Variants in RNF13 observed in about 807,000 individuals in gnomAD.
RNF13 encodes the protein E3 ubiquitin-protein ligase RNF13.
RNF13 carries 19 observed loss-of-function variants against 37.7 expected under a neutral mutation model. The observed-to-expected ratio is 0.50, with a 90% CI of 0.35 to 0.74. The LOEUF (loss-of-function observed/expected upper bound fraction) is 0.74. RNF13 is among the 30% of genes least tolerant of loss of function. RNF13 has a pLI of 0.01. For missense variants in RNF13, 375 were observed against 453.0 expected, an observed-to-expected ratio of 0.83 and a Z score of 1.56; for synonymous variants, 144 against 157.8, an observed-to-expected ratio of 0.91 and a Z score of 0.65.
chr3:149,843,947 G>C (rs1559901489), intron 1 of RNF13, among the ~76,000 whole-genome samples: 3 of 152,082 alleles, frequency 2.0e-5, no homozygotes, highest in African/African-American at 7.2e-5. Flanking sequence ...TAGTTGTTTT[G>C]GTTATTATTC....
chr3:149,812,728 G>A (rs971307853), upstream of RNF13: 6 of 152,596 alleles, frequency 3.9e-5, no homozygotes, highest in African/African-American at 1.4e-4. Flanking sequence ...GGTCGGGTGA[G>A]TGTAGTGTGC....
intron 5 of RNF13, among the ~76,000 whole-genome samples, chr3:149,895,763 A>G (rs1715189375): frequency 6.6e-6 from 1 of 152,070 alleles, no homozygotes; most frequent in Non-Finnish European, 1.5e-5. Flanking sequence ...TTTTTTAAAC[A>G]TATATGTTTT....
intron 3 of RNF13, among the ~76,000 whole-genome samples, chr3:149,861,274 C>T (rs185502628): frequency 1.3e-5 from 2 of 152,092 alleles, no homozygotes; most frequent in Admixed American, 1.3e-4. Flanking sequence ...CCAGCAGTCC[C>T]ACCACTGGGT....
intron 7 of RNF13, among the ~76,000 whole-genome samples, chr3:149,914,789 T>A (rs1458402863): frequency 6.6e-6 from 1 of 151,786 alleles, no homozygotes; most frequent in Non-Finnish European, 1.5e-5. Flanking sequence ...AATACAAAAT[T>A]TAGCTGGGTG....
At chr3:149,960,700 C>T (rs202087482) in intron 9 of RNF13, 40 bp from the exon 10 acceptor site, 1,018 of 1,543,590 alleles carry the variant, frequency 6.6e-4, no homozygotes, top group African/African-American at 2.7e-3. Context: ...AAGTATCAAC[C>T]GCAGCATACT....
chr3:149,924,108 G>A lies in RNF13; in HGVS notation c.700+2881G>A, dbSNP rs147814845. On this transcript the variant is annotated intron_variant, in intron 8 of 9. Transcript: ENST00000392894. ...GATGGAATACACAGAATTTACTGAT[G>A]GACTAGATATTGGAAGAGGAGACAA... Among the ~76,000 whole-genome samples, 436 of 152,136 alleles carry A rather than the reference G, an allele frequency of 2.9e-3. 2 individuals carry two copies. Among genetic ancestry groups the A allele is most frequent in the African/African-American group, 1.0e-2 (414 of 41,494 alleles).
intron 1 of RNF13, among the ~76,000 whole-genome samples, chr3:149,816,488 G>A (rs75639048): frequency 0.017 from 2,556 of 150,224 alleles, 76 homozygotes; most frequent in African/African-American, 0.058. Flanking sequence ...ATCAGATGGC[G>A]TATATGTTTA....
chr3:149,868,381 G>T (rs1251205400), intron 3 of RNF13, among the ~76,000 whole-genome samples: 1 of 151,474 alleles, frequency 6.6e-6, no homozygotes, highest in East Asian at 1.9e-4. Flanking sequence ...AGCATTTCTT[G>T]TAAGACAGGC....
chr3:149,898,652 G>A lies in RNF13; in HGVS notation c.409+3092G>A, dbSNP rs4681558. On this transcript the variant is annotated intron_variant, in intron 5 of 9. Coordinates refer to ENST00000392894, the MANE Select transcript of RNF13 (RefSeq NM_183381.3). Reference sequence around the variant, plus strand: ...AATTAAGGCCTGTTAAGTGTCTAGAGGACTTCCTGGTTCTTAGCAATCATT... The same window carrying A: ...AATTAAGGCCTGTTAAGTGTCTAGAAGACTTCCTGGTTCTTAGCAATCATT... Among the ~76,000 whole-genome samples the A allele has an allele frequency of 6.2e-3, 945 of 152,244 alleles. 35 individuals carry two copies. The East Asian group carries it at 0.11, about 17-fold the overall frequency.
intron 8 of RNF13, among the ~76,000 whole-genome samples, chr3:149,922,366 G>C (rs1335592639): frequency 6.6e-6 from 1 of 152,192 alleles, no homozygotes; most frequent in Non-Finnish European, 1.5e-5. Context: ...AGTTAAGAAT[G>C]AATGAATAAA....
At chr3:149,926,446 A>T (rs1042600336) in intron 8 of RNF13, among the ~76,000 whole-genome samples, 1 of 152,038 alleles carries the variant, frequency 6.6e-6, no homozygotes, top group Admixed American at 6.6e-5. Flanking sequence ...TCCTGACCTC[A>T]TGATCTGCCC....
At chr3:149,885,801 TTGCCCAGACAAA>T (rs1276453456) in intron 4 of RNF13, among the ~76,000 whole-genome samples, 1 of 152,206 alleles carries the variant, frequency 6.6e-6, no homozygotes, top group Non-Finnish European at 1.5e-5. Flanking sequence ...CAAGAAATTT[TTGCCCAGACAAA>T]TGTCCTGGAG....
chr3:149,951,311 GC>G (rs1388066093), intron 8 of RNF13, among the ~76,000 whole-genome samples: 1 of 152,208 alleles, frequency 6.6e-6, no homozygotes, highest in Non-Finnish European at 1.5e-5. Flanking sequence ...TTTTCAGAAG[GC>G]CCACAAAGCA....
chr3:149,868,412 C>G (rs1353580660), intron 3 of RNF13, among the ~76,000 whole-genome samples: 1 of 151,738 alleles, frequency 6.6e-6, no homozygotes. Context: ...TAAACTCTCT[C>G]AACTTTTGTT....
In RNF13 at chr3:149,960,175, T is replaced by A. The variant is rs778899103; in HGVS notation, c.781+39T>A. On this transcript the variant is annotated intron_variant, in intron 9 of 9. Transcript: ENST00000392894. ...CGTACTGCTTTGAATTTACATATAG[T>A]AATTTATATTTAGGTTCCATATTCC... 9.1e-6 allele frequency: 12 copies of A among 1,311,500 alleles called. No homozygotes were observed. In the South Asian group the frequency reaches 1.3e-4, roughly 14 times the overall value. The allele number at this position is 1,311,500 out of a possible 1,614,324, so 81.2% of individuals were successfully genotyped here.
intron 8 of RNF13, among the ~76,000 whole-genome samples, chr3:149,951,536 T>C (rs1010317016): frequency 2.6e-5 from 4 of 152,234 alleles, no homozygotes; most frequent in Non-Finnish European, 5.9e-5. Flanking sequence ...CACTCTTTTA[T>C]CATTTGCCTG....
intron 2 of RNF13, among the ~76,000 whole-genome samples, chr3:149,847,578 T>A (rs887891147): frequency 2.0e-5 from 3 of 152,072 alleles, no homozygotes; most frequent in Non-Finnish European, 4.4e-5. Context: ...TCCTCTGTAG[T>A]AGGGAACTGG....
chr3:149,835,456 T>C (rs1307049016), intron 1 of RNF13, among the ~76,000 whole-genome samples: 1 of 152,100 alleles, frequency 6.6e-6, no homozygotes, highest in Non-Finnish European at 1.5e-5. Flanking sequence ...CTAAAGTCCA[T>C]TGTATCATTC....
chr3:149,884,642 T>C (rs1713806337), intron 4 of RNF13, among the ~76,000 whole-genome samples: 1 of 152,158 alleles, frequency 6.6e-6, no homozygotes, highest in Non-Finnish European at 1.5e-5. Context: ...AGTAGGTGTA[T>C]GTATTTATAG....
Sources: allele counts gnomAD v4.1 joint callset (sites outside exome capture counted in the v4.1 genomes callset), GRCh38; gene constraint gnomAD v4.1.1; transcripts MANE v1.5; gene names NCBI Gene and HGNC (gene_info 2026-07-23, HGNC 2026-07-21).